Variants in ARHGEF18 observed in about 807,000 individuals in gnomAD.
ARHGEF18 encodes Rho/Rac guanine nucleotide exchange factor 18.
Under a neutral mutation model 155.7 loss-of-function variants are expected in ARHGEF18, and 93 were observed. The ratio of observed to expected loss-of-function variants is 0.60; its 90% confidence interval spans 0.50 to 0.71. The LOEUF is 0.71. Among genes scored for constraint, ARHGEF18 ranks in the 30% least tolerant of loss-of-function variants. The pLI is 0.00. For synonymous variants in ARHGEF18, 742 were observed against 753.1 expected (o/e 0.99, Z 0.24); for missense variants, 1,593 against 1,816.1 (o/e 0.88, Z 2.23).
At chr19:7,362,396 G>A (rs921376810) in intron 1 of ARHGEF18, among the ~76,000 whole-genome samples, 11 of 152,028 alleles carry the variant, frequency 7.2e-5, no homozygotes, top group African/African-American at 2.7e-4. Flanking sequence ...TTTGGTCTAC[G>A]GGACCATTAG....
intron 20 of ARHGEF18, among the ~76,000 whole-genome samples, chr19:7,461,051 T>G (rs1353881142): frequency 6.6e-6 from 1 of 151,660 alleles, no homozygotes; most frequent in African/African-American, 2.4e-5. Flanking sequence ...CCTCCCAAAG[T>G]GCTGGGATTA....
chr19:7,367,977 A>AAC (rs544562726), intron 2 of ARHGEF18, among the ~76,000 whole-genome samples: 1 of 66,760 alleles, frequency 1.5e-5, no homozygotes, highest in Non-Finnish European at 2.5e-5. Context: ...AAAGGAAAGA[A>AAC]AGAGAGAGAG....
Position 7,363,239 on chromosome 19 carries a change from C to T in ARHGEF18, c.15+334C>T, listed in dbSNP as rs563849768. On this transcript the variant is annotated intron_variant, in intron 2 of 28. Coordinates refer to ENST00000668164, the MANE Select transcript of ARHGEF18 (RefSeq NM_001367823.1). Reference sequence around the variant, plus strand: ...AGAAGGATGGATGGATGGATGGATACGTGGATGAATAGAAGGGTGGCTGGG... The same window carrying T: ...AGAAGGATGGATGGATGGATGGATATGTGGATGAATAGAAGGGTGGCTGGG... Among the ~76,000 whole-genome samples the T allele has an allele frequency of 1.5e-4, 22 of 149,714 alleles. No homozygotes were observed. The South Asian group carries it at 4.3e-3, about 29-fold the overall frequency.
Position 7,415,338 on chromosome 19 carries a change from G to A in ARHGEF18, c.968-25006G>A, listed in dbSNP as rs968048704. ...CCAGCGGCTGCCTGCTGCCGAGCCCGCCACTCTGCCCCCCACTTCATGGCC... is the reference window on the plus strand; with the variant it reads ...CCAGCGGCTGCCTGCTGCCGAGCCCACCACTCTGCCCCCCACTTCATGGCC... On this transcript the variant is annotated intron_variant, in intron 10 of 28. Transcript: ENST00000668164. Among the ~76,000 whole-genome samples, 7 of 151,918 alleles carry A rather than the reference G, an allele frequency of 4.6e-5. No individual in the cohort carries two copies. In the South Asian group the frequency reaches 8.3e-4, roughly 18 times the overall value.
rs1029912795 is a variant in ARHGEF18 at position 7,410,180 on chromosome 19, T to C, written c.967+26977T>C. 2.0e-5 allele frequency among the ~76,000 whole-genome samples: 3 copies of C among 152,066 alleles called. No homozygotes were observed. In the East Asian group the frequency reaches 5.8e-4, roughly 29 times the overall value. On this transcript the variant is annotated intron_variant, in intron 10 of 28. Transcript: ENST00000668164. The stretch of plus-strand genomic sequence containing the variant: ...TGCCCTTGAATACTTTCCCCGCCCA[T>C]TGAAGGCAAACAGGGTTTTTTCTGG...
At chr19:7,431,854 A>G (rs1306847703) in intron 10 of ARHGEF18, among the ~76,000 whole-genome samples, 1 of 152,232 alleles carries the variant, frequency 6.6e-6, no homozygotes, top group Non-Finnish European at 1.5e-5. Flanking sequence ...ACAGCCTGGA[A>G]TGCAAGAAGC....
intron 16 of ARHGEF18, 96 bp downstream of exon 16, chr19:7,451,362 A>C: frequency 1.0e-6 from 1 of 993,362 alleles, no homozygotes; most frequent in East Asian, 2.8e-5. Context: ...AACTGAATAA[A>C]TTCCCTTTGA....
At chr19:7,479,631 C>T in the ARHGEF18 span, among the ~76,000 whole-genome samples, 1 of 152,256 alleles carries the variant, frequency 6.6e-6, no homozygotes, top group Non-Finnish European at 1.5e-5. Context: ...TCCCCCTGCT[C>T]ACTGCAAATC....
the ARHGEF18 span, chr19:7,478,479 C>G: frequency 4.9e-6 from 6 of 1,231,680 alleles, no homozygotes; most frequent in African/African-American, 1.5e-5. Flanking sequence ...TGCTGCATCT[C>G]GGATAAACGG....
chr19:7,374,424 C>T (rs1176532816), intron 3 of ARHGEF18, among the ~76,000 whole-genome samples: 2 of 152,178 alleles, frequency 1.3e-5, no homozygotes, highest in East Asian at 1.9e-4. Flanking sequence ...CACCTATAAT[C>T]CCAGCACTTT....
Position 7,458,551 on chromosome 19 carries a change from G to A in ARHGEF18, c.2221G>A (p.Val741Met), listed in dbSNP as rs1363358414. 6.8e-6 allele frequency: 11 copies of A among 1,613,984 alleles called. No homozygotes were observed. Among genetic ancestry groups the A allele is most frequent in the Middle Eastern group, 1.6e-4 (1 of 6,084 alleles). ...PPVISLQKLIVREVANEEKAM... is the reference protein window; with the variant it reads ...PPVISLQKLIMREVANEEKAM... ...CGTCATCTCGTTACAAAAGCTCATC[G>A]TGAGGGAAGTGGCCAACGAGGAGAA... The change falls in exon 19 of 29, where the codon GTG (valine) becomes ATG (methionine). Residue 741 changes from valine to methionine, a missense_variant. Transcript: ENST00000668164.
chr19:7,380,372 A>G (rs926858768), intron 7 of ARHGEF18, among the ~76,000 whole-genome samples: 2 of 151,602 alleles, frequency 1.3e-5, no homozygotes, highest in African/African-American at 2.4e-5. Context: ...CCAGCTACTC[A>G]GGAGGCTGAG....
At chr19:7,477,163 C>T (rs752164635), downstream of ARHGEF18, 80 of 1,406,614 alleles carry the variant, frequency 5.7e-5, no homozygotes, top group Non-Finnish European at 4.0e-5. Flanking sequence ...AAGGGCCCTC[C>T]GTGGGCTCTG....
At chr19:7,358,186 CAAT>C (rs1969393013) in intron 1 of ARHGEF18, among the ~76,000 whole-genome samples, 2 of 141,506 alleles carry the variant, frequency 1.4e-5, no homozygotes, top group Non-Finnish European at 3.1e-5. Flanking sequence ...TCCATCCATC[CAAT>C]CAGCCAACTC....
At chr19:7,461,213 G>T (rs1976232722) in intron 20 of ARHGEF18, among the ~76,000 whole-genome samples, 1 of 152,018 alleles carries the variant, frequency 6.6e-6, no homozygotes, top group African/African-American at 2.4e-5. Context: ...AGGAGTTTGA[G>T]ACCAGCCTGG....
intron 1 of ARHGEF18, among the ~76,000 whole-genome samples, chr19:7,351,986 C>T (rs1220862935): frequency 6.6e-6 from 1 of 152,112 alleles, no homozygotes; most frequent in East Asian, 1.9e-4. Flanking sequence ...TAAGCCACTG[C>T]ACCTGGCCTG....
At chr19:7,418,532 A>T (rs1251958230) in intron 10 of ARHGEF18, among the ~76,000 whole-genome samples, 1 of 151,992 alleles carries the variant, frequency 6.6e-6, no homozygotes, top group Admixed American at 6.6e-5. Flanking sequence ...CCACTCTGTC[A>T]CCTTCTTGCC....
At chr19:7,408,009 TG>T (rs1216291578) in intron 10 of ARHGEF18, among the ~76,000 whole-genome samples, 2 of 140,798 alleles carry the variant, frequency 1.4e-5, no homozygotes, top group Non-Finnish European at 3.0e-5. Context: ...CTGGGTGCAG[TG>T]GCTCACGCCT....
chr19:7,350,529 C>T (rs533945938), intron 1 of ARHGEF18, among the ~76,000 whole-genome samples: 2 of 152,306 alleles, frequency 1.3e-5, no homozygotes, highest in African/African-American at 4.8e-5. Context: ...ACTGCAAACA[C>T]GTCGGTGCTT....
Sources: gnomAD v4.1 joint callset for allele counts (sites outside exome capture counted in the v4.1 genomes callset) on GRCh38, gnomAD v4.1.1 for gene constraint, MANE v1.5 for transcripts, NCBI Gene and HGNC (gene_info 2026-07-23, HGNC 2026-07-21) for gene names.